RALGAPA1: variants seen among roughly 807,000 people sequenced by gnomAD.
RALGAPA1 encodes Ral GTPase activating protein catalytic subunit alpha 1.
RALGAPA1 carries 52 observed loss-of-function variants against 269.6 expected under a neutral mutation model. That is an observed-to-expected ratio of 0.19 (90% CI 0.15 to 0.24). The LOEUF is 0.24. Among genes scored for constraint, RALGAPA1 ranks in the 10% least tolerant of loss-of-function variants. The probability of loss-of-function intolerance (pLI) is 1.00; values close to 1 mark genes in which losing one functional copy is unlikely to be tolerated. For synonymous variants in RALGAPA1, 817 were observed against 1,008.3 expected (o/e 0.81, Z 3.60); for missense variants, 1,917 against 3,013.9 (o/e 0.64, Z 8.52).
At chr14:35,615,533 T>C (rs1270445769) in intron 35 of RALGAPA1, among the ~76,000 whole-genome samples, 1 of 152,210 alleles carries the variant, frequency 6.6e-6, no homozygotes, top group Non-Finnish European at 1.5e-5. Context: ...GAATGAATTC[T>C]TACTTGAGCT....
intron 35 of RALGAPA1, among the ~76,000 whole-genome samples, chr14:35,622,225 G>A (rs892791707): frequency 3.3e-5 from 5 of 152,304 alleles, no homozygotes; most frequent in South Asian, 2.1e-4. Context: ...GGACATGGAC[G>A]AAGCTAGAAA....
At chr14:35,571,503 T>C (rs1194443212) in intron 38 of RALGAPA1, among the ~76,000 whole-genome samples, 1 of 152,016 alleles carries the variant, frequency 6.6e-6, no homozygotes, top group African/African-American at 2.4e-5. Context: ...GGTGAAAACC[T>C]GTCTCTACTA....
chr14:35,765,225 G>C (rs1191937813), intron 4 of RALGAPA1, among the ~76,000 whole-genome samples: 4 of 151,994 alleles, frequency 2.6e-5, no homozygotes, highest in Admixed American at 6.6e-5. Context: ...GCCTTTGTTA[G>C]TATAACTTTA....
intron 35 of RALGAPA1, among the ~76,000 whole-genome samples, chr14:35,612,458 G>A (rs10133297): frequency 0.14 from 21,710 of 150,286 alleles, 1,716 homozygotes; most frequent in Non-Finnish European, 0.17. Context: ...ATGTAAGGGC[G>A]GAAACTATAA....
intron 16 of RALGAPA1, among the ~76,000 whole-genome samples, chr14:35,717,568 T>C (rs894155612): frequency 1.2e-4 from 18 of 148,416 alleles, no homozygotes; most frequent in Middle Eastern, 3.5e-3. Context: ...ACTTATTTTA[T>C]TTTTTTTTTG....
intron 28 of RALGAPA1, 116 bp from the exon 29 acceptor site, chr14:35,656,031 G>A: frequency 6.5e-7 from 1 of 1,537,606 alleles, no homozygotes; most frequent in South Asian, 1.2e-5. Context: ...TAATGAATTT[G>A]TTACTCTATA....
chr14:35,787,264 A>C (rs557052855), intron 1 of RALGAPA1, among the ~76,000 whole-genome samples: 1 of 152,376 alleles, frequency 6.6e-6, no homozygotes, highest in Admixed American at 6.5e-5. Flanking sequence ...ATTTCAAAGA[A>C]CAAGATATAA....
At chr14:35,554,338 C>CTTTTTTTTTTTT (rs869302363) in intron 39 of RALGAPA1, among the ~76,000 whole-genome samples, 2 of 85,760 alleles carry the variant, frequency 2.3e-5, no homozygotes, top group African/African-American at 1.1e-4. Flanking sequence ...AATACACTTT[C>CTTTTTTTTTTTT]TTTTTTTTTT....
chr14:35,540,655 GA>G (rs199931994), intron 41 of RALGAPA1, among the ~76,000 whole-genome samples: 1 of 150,920 alleles, frequency 6.6e-6, no homozygotes, highest in South Asian at 2.1e-4. Context: ...AAGTCCTTCA[GA>G]AAAAAAAATC....
intron 27 of RALGAPA1, among the ~76,000 whole-genome samples, chr14:35,663,310 A>T (rs890166013): frequency 3.3e-5 from 5 of 152,160 alleles, no homozygotes; most frequent in African/African-American, 1.2e-4. Flanking sequence ...TTGAACACGT[A>T]ATTACAAGTA....
At chr14:35,595,591 CA>C in intron 37 of RALGAPA1, 42 bp downstream of exon 37, 1 of 1,545,372 alleles carries the variant, frequency 6.5e-7, no homozygotes, top group Non-Finnish European at 8.9e-7. Flanking sequence ...TTAACTGTCT[CA>C]ATTATGAGCA....
At chr14:35,757,389 G>C (rs2073278772) in intron 6 of RALGAPA1, among the ~76,000 whole-genome samples, 1 of 152,046 alleles carries the variant, frequency 6.6e-6, no homozygotes, top group Non-Finnish European at 1.5e-5. Flanking sequence ...CAAAGTGCTA[G>C]GATTACAGGT....
intron 1 of RALGAPA1, among the ~76,000 whole-genome samples, chr14:35,798,765 C>A (rs978075518): frequency 1.3e-5 from 2 of 151,898 alleles, no homozygotes. Flanking sequence ...CCCAGGCACA[C>A]GATCACTTGG....
intron 3 of RALGAPA1, among the ~76,000 whole-genome samples, chr14:35,771,202 T>C (rs1225395422): frequency 6.6e-6 from 1 of 152,112 alleles, no homozygotes; most frequent in Non-Finnish European, 1.5e-5. Context: ...GAGACCAGCC[T>C]GGCCAACATG....
intron 16 of RALGAPA1, among the ~76,000 whole-genome samples, chr14:35,705,005 A>G (rs1183513414): frequency 1.3e-5 from 2 of 152,198 alleles, no homozygotes; most frequent in African/African-American, 2.4e-5. Context: ...TTTTTTAAAT[A>G]TACATTTTTC....
At chr14:35,774,700 A>G (rs930663942) in intron 3 of RALGAPA1, among the ~76,000 whole-genome samples, 2 of 152,170 alleles carry the variant, frequency 1.3e-5, no homozygotes, top group African/African-American at 2.4e-5. Flanking sequence ...ACAAAATCAA[A>G]TTTTCCATTT....
chr14:35,651,483 G>C (rs1368733115), intron 31 of RALGAPA1, among the ~76,000 whole-genome samples: 1 of 152,090 alleles, frequency 6.6e-6, no homozygotes, highest in African/African-American at 2.4e-5. Flanking sequence ...GCTGCCTTTA[G>C]AGGTGATTAA....
In RALGAPA1 at chr14:35,769,051, T is replaced by A. The variant is rs576946211; in HGVS notation, c.325+1891A>T. 9.7e-4 allele frequency among the ~76,000 whole-genome samples: 105 copies of A among 108,248 alleles called. 1 individual carries two copies. Among genetic ancestry groups the A allele is most frequent in the African/African-American group, 3.6e-3 (92 of 25,886 alleles). 71.0% of individuals were successfully genotyped at this position (108,248 alleles called of 152,430 possible). A position where few individuals can be genotyped will look rare whatever the true frequency, so the allele number is the denominator to read the frequency against. On this transcript the variant is annotated intron_variant, in intron 4 of 41. Coordinates refer to ENST00000680220, the MANE Select transcript of RALGAPA1 (RefSeq NM_001346249.2). ...AAAAAAAAAAATATATATATATATA[T>A]ATATATATATATATACACACACATA... is the stretch of plus-strand genomic sequence containing the variant.
intron 16 of RALGAPA1, among the ~76,000 whole-genome samples, chr14:35,720,937 G>A (rs1039222829): frequency 6.6e-6 from 1 of 152,088 alleles, no homozygotes; most frequent in African/African-American, 2.4e-5. Flanking sequence ...GCCTAGAAAC[G>A]TTTGGTAGAC....
Sources: gnomAD v4.1 joint callset for allele counts (sites outside exome capture counted in the v4.1 genomes callset) on GRCh38, gnomAD v4.1.1 for gene constraint, MANE v1.5 for transcripts, NCBI Gene and HGNC (gene_info 2026-07-23, HGNC 2026-07-21) for gene names.